ATAD3C: variants seen among roughly 807,000 people sequenced by gnomAD.
ATAD3C encodes the protein ATPase family AAA domain containing 3C.
ATAD3C carries 38 observed loss-of-function variants against 46.3 expected under a neutral mutation model. The ratio of observed to expected loss-of-function variants is 0.82; its 90% CI spans 0.63 to 1.08. The LOEUF is 1.08. Among genes scored for constraint, ATAD3C ranks in the 50% least tolerant of loss-of-function variants. ATAD3C has a pLI of 0.00. For synonymous variants in ATAD3C, 220 were observed against 236.4 expected, an observed-to-expected ratio of 0.93 and a Z score of 0.63; for missense variants, 563 against 572.7, an observed-to-expected ratio of 0.98 and a Z score of 0.17.
rs926143903 is a variant in ATAD3C, at chr1:1,459,463, C to T, written c.812+232C>T. The stretch of plus-strand genomic sequence containing the variant: ...AGAGCTGGGGTCAGTCCTGTCCTCA[C>T]GGCCCTGTGCACCGCCGCCCCAGCT... On this transcript the variant is annotated intron_variant, in intron 9 of 11. Coordinates refer to ENST00000378785, the MANE Select transcript of ATAD3C (RefSeq NM_001039211.3). This position sits in a 1 kb window ranked among gnomAD's most constrained non-coding sequence, Gnocchi z 4.9. Among the ~76,000 whole-genome samples, 9 of 151,918 alleles carry T rather than the reference C, an allele frequency of 5.9e-5. No homozygotes were observed. Among genetic ancestry groups the T allele is most frequent in the African/African-American group, 1.9e-4 (8 of 41,300 alleles).
Position 1,454,764 on chromosome 1 carries a change from C to G in ATAD3C, c.378+264C>G, listed in dbSNP as rs367921383. 6.6e-5 allele frequency among the ~76,000 whole-genome samples: 10 copies of G among 151,842 alleles called. No homozygotes were observed. The East Asian group carries it at 1.7e-3, about 27-fold the overall frequency. On this transcript the variant is annotated intron_variant, in intron 4 of 11. Transcript: ENST00000378785. ...GAGCACATCGGGGTCCTTGCAAGAC[C>G]CGGGATTTGGGTGTGCGGCCGTCTG...
intron 11 of ATAD3C, among the ~76,000 whole-genome samples, chr1:1,463,931 G>T (rs1280814588): frequency 6.6e-6 from 1 of 151,512 alleles, no homozygotes; most frequent in Non-Finnish European, 1.5e-5. Context: ...GAATAATTTG[G>T]TCATGGCTTA....
At chr1:1,460,944 G>C in intron 10 of ATAD3C, 27 bp downstream of exon 10, 1 of 1,583,288 alleles carries the variant, frequency 6.3e-7, no homozygotes, top group African/African-American at 1.3e-5. Flanking sequence ...ACCAGCCCCC[G>C]TCCAGGGGCC....
At chr1:1,453,476 A>G (rs1638898077) in intron 3 of ATAD3C, among the ~76,000 whole-genome samples, 1 of 151,892 alleles carries the variant, frequency 6.6e-6, no homozygotes, top group South Asian at 2.1e-4. Context: ...TGCTATGATT[A>G]CAGGTGTGTA....
rs1210543380 is a variant in ATAD3C at position 1,468,323 on chromosome 1, C to T, written c.1090-61C>T. ...GTCCCTCCCCACCTCAGGGCCCTGGCGTGCATTTGGGGTGGGGGGTTCCCA... is the reference window on the plus strand; with the variant it reads ...GTCCCTCCCCACCTCAGGGCCCTGGTGTGCATTTGGGGTGGGGGGTTCCCA... On this transcript the variant is annotated intron_variant, in intron 11 of 11. Transcript: ENST00000378785. 79 of 1,559,716 alleles carry T rather than the reference C, an allele frequency of 5.1e-5. 1 individual carries two copies. The Middle Eastern group carries it at 1.4e-3, about 28-fold the overall frequency.
At position 1,458,060 on chromosome 1, in the gene ATAD3C, C is replaced by T. The variant is rs1052214331; in HGVS notation, c.741+880C>T. 2.6e-5 allele frequency among the ~76,000 whole-genome samples: 4 copies of T among 151,898 alleles called. No individual in the cohort carries two copies. The South Asian group carries it at 8.3e-4, about 32-fold the overall frequency. On this transcript the variant is annotated intron_variant, in intron 8 of 11. Coordinates refer to ENST00000378785, the MANE Select transcript of ATAD3C (RefSeq NM_001039211.3). ...GTGGCGCAATCTTGGCTCGCTGCAA[C>T]CTCCGCCTCCTGGGTTCAAGCTGGT...
intron 11 of ATAD3C, among the ~76,000 whole-genome samples, chr1:1,465,074 C>T (rs1222069959): frequency 6.6e-6 from 1 of 150,720 alleles, no homozygotes; most frequent in Non-Finnish European, 1.5e-5. Flanking sequence ...TTAGTAGAGA[C>T]GGGGTTTCAC....
intron 11 of ATAD3C, among the ~76,000 whole-genome samples, chr1:1,464,349 G>T (rs898805420): frequency 6.6e-6 from 1 of 151,866 alleles, no homozygotes; most frequent in African/African-American, 2.4e-5. Flanking sequence ...TTCTTTGCTG[G>T]GTCCTCATGT....
chr1:1,469,058 TCCAGACCAG>T lies in ATAD3C; in HGVS notation c.*531_*539del, dbSNP rs2100495257. On this transcript the variant is annotated 3_prime_UTR_variant, in exon 12 of 12. Coordinates refer to ENST00000378785, the MANE Select transcript of ATAD3C (RefSeq NM_001039211.3). ...GAGTGGATCACCTGAGGTCGGGAGT[TCCAGACCAG>T]CCTGGCCAACATGGTGAAACTCCAT... 1 of 126,232 alleles carries T rather than the reference TCCAGACCAG, an allele frequency of 7.9e-6. No individual in the cohort carries two copies. The highest frequency in any genetic ancestry group is 2.8e-4 in the East Asian group (1 of 3,558). The allele number at this position is 126,232 out of a possible 1,614,324, so 7.8% of individuals were successfully genotyped here. A position where few individuals can be genotyped will look rare whatever the true frequency, so the allele number is the denominator to read the frequency against.
Position 1,455,522 on chromosome 1 carries a change from A to C in ATAD3C, c.438+3A>C, listed in dbSNP as rs572299734. On this transcript the variant is annotated splice_donor_region_variant and intron_variant, in intron 5 of 11. Coordinates refer to ENST00000378785, the MANE Select transcript of ATAD3C (RefSeq NM_001039211.3). ...TGCTGGAGGGTGTTGTGCTTAGTGTAAGTCGGTGTGCCTGGGACCGGGGAG... is the reference window on the plus strand; with the variant it reads ...TGCTGGAGGGTGTTGTGCTTAGTGTCAGTCGGTGTGCCTGGGACCGGGGAG... The C allele has an allele frequency of 6.2e-6, 10 of 1,612,346 alleles. No individual in the cohort carries two copies. The East Asian group carries it at 2.0e-4, about 32-fold the overall frequency.
chr1:1,456,128 G>T (rs1392931040), intron 6 of ATAD3C, 97 bp from the exon 7 acceptor site: 8 of 1,486,848 alleles, frequency 5.4e-6, no homozygotes, highest in Non-Finnish European at 6.2e-6. Context: ...TCCAGGCAGG[G>T]ACGCTGGGCA....
rs377659173 is a variant in ATAD3C at position 1,455,891 on chromosome 1, G to T, written c.539G>T (p.Gly180Val). 273 of 1,613,220 alleles carry T rather than the reference G, an allele frequency of 1.7e-4. 5 individuals carry two copies. Among genetic ancestry groups the T allele is most frequent in the Non-Finnish European group, 2.1e-4 (247 of 1,179,696 alleles). Residue 180 changes from glycine to valine, a missense_variant, in exon 6 of 12, where the codon GGC becomes GTC. By Grantham distance (109) the Gly-to-Val change is moderately radical. Around this residue, in one of 3 missense-constraint regions of ATAD3C, gnomAD observed 263 missense variants for 243.1 expected, o/e 1.08. Transcript: ENST00000378785. ...CACATCCTGCTGTACGGGCCACCAG[G>T]CACCGGGAAGACGCTGTTTGCCAAG... is the stretch of plus-strand genomic sequence containing the variant. ...YRHILLYGPP[G>V]TGKTLFAKKL...
At chr1:1,460,336 C>T (rs1344084672) in intron 9 of ATAD3C, among the ~76,000 whole-genome samples, 2 of 152,014 alleles carry the variant, frequency 1.3e-5, no homozygotes, top group Admixed American at 1.3e-4. Flanking sequence ...CCGCCTCGGC[C>T]TCCCAAAGTG....
chr1:1,450,432 C>G lies in ATAD3C; in HGVS notation c.-252C>G, dbSNP rs1045147105. Reference sequence around the variant, plus strand: ...GCCTCCTCCCGTCCACATGGGATGGCCTTCCTGATGTGGCTCTCCAAGACC... The same window carrying G: ...GCCTCCTCCCGTCCACATGGGATGGGCTTCCTGATGTGGCTCTCCAAGACC... On this transcript the variant is annotated 5_prime_UTR_variant, in exon 1 of 12. Transcript: ENST00000378785. 12 of 494,952 alleles carry G rather than the reference C, an allele frequency of 2.4e-5. No homozygotes were observed. The highest frequency in any genetic ancestry group is 3.3e-5 in the Non-Finnish European group (9 of 271,600). The allele number at this position is 494,952 out of a possible 1,614,324, so 30.7% of individuals were successfully genotyped here.
chr1:1,468,223 A>C (rs1570162455), intron 11 of ATAD3C, among the ~76,000 whole-genome samples, 161 bp from the exon 12 acceptor site: 2 of 152,178 alleles, frequency 1.3e-5, no homozygotes, highest in South Asian at 4.2e-4. Context: ...CCCGGTGTCC[A>C]CACACGTGCT....
In ATAD3C at chr1:1,459,035, G is replaced by A. The variant is rs911481602; in HGVS notation, c.742-126G>A. 9.0e-5 allele frequency: 140 copies of A among 1,549,168 alleles called. 3 individuals carry two copies. The highest frequency in any genetic ancestry group is 9.1e-5 in the Non-Finnish European group (104 of 1,147,086). ...CCCCTGGCCCTGGTCAGGCTTTTGA[G>A]TCTAGATCCGTGAAAGTGTCGCCAT... On this transcript the variant is annotated intron_variant, in intron 8 of 11. Transcript: ENST00000378785. This position sits in a 1 kb window ranked among gnomAD's most constrained non-coding sequence, Gnocchi z 4.9.
At chr1:1,455,545 G>A in intron 5 of ATAD3C, 26 bp downstream of exon 5, 2 of 1,612,056 alleles carry the variant, frequency 1.2e-6, no homozygotes, top group Non-Finnish European at 1.7e-6. Flanking sequence ...TGGGACCGGG[G>A]AGGCGCAGGG....
rs140168823 is a variant in ATAD3C at position 1,465,772 on chromosome 1, C to T, written c.1090-2612C>T. 3.0e-3 allele frequency among the ~76,000 whole-genome samples: 449 copies of T among 151,910 alleles called. 4 individuals carry two copies. The highest frequency in any genetic ancestry group is 0.01 in the African/African-American group (424 of 41,470). ...TCTGAGAACAGGTGATTTTACCTCT[C>T]CCTTTTCAGTTTGGATGACTTTTCT... On this transcript the variant is annotated intron_variant, in intron 11 of 11. Coordinates refer to ENST00000378785, the MANE Select transcript of ATAD3C (RefSeq NM_001039211.3).
intron 11 of ATAD3C, among the ~76,000 whole-genome samples, chr1:1,467,469 G>GT (rs1639163108): frequency 6.6e-6 from 1 of 152,094 alleles, no homozygotes; most frequent in African/African-American, 2.4e-5. Context: ...GTGGCTCTTG[G>GT]TGAGGGATGG....
Sources: allele counts gnomAD v4.1 joint callset (sites outside exome capture counted in the v4.1 genomes callset), GRCh38; gene constraint gnomAD v4.1.1; regional missense constraint gnomAD v4.1.1; non-coding constraint Gnocchi (gnomAD v3.1); transcripts MANE v1.5; gene names NCBI Gene and HGNC (gene_info 2026-07-23, HGNC 2026-07-21).